Variants in SLC24A2 observed in about 807,000 individuals in gnomAD.
The protein encoded by SLC24A2 is sodium/potassium/calcium exchanger 2.
In SLC24A2, 36 loss-of-function variants were observed where a neutral mutation model predicts 62.0. The ratio of observed to expected loss-of-function variants is 0.58; its 90% confidence interval spans 0.44 to 0.77. The LOEUF is 0.77. SLC24A2 is among the 30% of genes least tolerant of loss of function. The probability of loss-of-function intolerance (pLI) is 0.00; values close to 1 mark genes in which losing one functional copy is unlikely to be tolerated. For synonymous variants in SLC24A2, 358 were observed against 294.0 expected (o/e 1.22, Z -2.23); for missense variants, 846 against 817.9 (o/e 1.03, Z -0.42).
At chr9:19,857,156 C>G in the SLC24A2 span, among the ~76,000 whole-genome samples, 1 of 151,960 alleles carries the variant, frequency 6.6e-6, no homozygotes, top group Non-Finnish European at 1.5e-5. Flanking sequence ...TATTTCTCCG[C>G]CTAGAAGATG....
chr9:19,756,514 C>T (rs111231686), intron 2 of SLC24A2, among the ~76,000 whole-genome samples: 1,783 of 152,274 alleles, frequency 0.012, 34 homozygotes, highest in African/African-American at 0.04. Flanking sequence ...CACATTACCA[C>T]AAAATTTGAT....
At chr9:20,298,413 G>C in the SLC24A2 span, among the ~76,000 whole-genome samples, 1 of 152,086 alleles carries the variant, frequency 6.6e-6, no homozygotes, top group Non-Finnish European at 1.5e-5. Context: ...ATTTTTAGTA[G>C]AGACGGGGTT....
chr9:20,252,711 T>C, the SLC24A2 span, among the ~76,000 whole-genome samples: 1 of 152,256 alleles, frequency 6.6e-6, no homozygotes, highest in Non-Finnish European at 1.5e-5. Context: ...TGCTTTTTAC[T>C]ACCAATTGGC....
At chr9:19,928,561 T>C in the SLC24A2 span, 4 of 152,222 alleles carry the variant, frequency 2.6e-5, no homozygotes, top group Non-Finnish European at 5.9e-5. Context: ...CCAACGTTTT[T>C]GGTAGTTCAT....
the SLC24A2 span, among the ~76,000 whole-genome samples, chr9:20,011,564 G>A: frequency 6.6e-6 from 1 of 152,150 alleles, no homozygotes; most frequent in African/African-American, 2.4e-5. Flanking sequence ...CAGGAATTGT[G>A]GGACACCATC....
the SLC24A2 span, among the ~76,000 whole-genome samples, chr9:19,971,378 T>C: frequency 1.9e-4 from 29 of 152,260 alleles, no homozygotes; most frequent in Middle Eastern, 0.02. Context: ...AAACCTACAG[T>C]GATGAAATGG....
chr9:19,559,211 G>A (rs929388469), intron 7 of SLC24A2, among the ~76,000 whole-genome samples: 1 of 152,138 alleles, frequency 6.6e-6, no homozygotes, highest in African/African-American at 2.4e-5. Flanking sequence ...GCTTGACTAG[G>A]TGAATTATAA....
chr9:20,194,452 C>CA, the SLC24A2 span, among the ~76,000 whole-genome samples: 1 of 152,024 alleles, frequency 6.6e-6, no homozygotes. Context: ...TCACCTTTCT[C>CA]AAAAAATCCT....
the SLC24A2 span, among the ~76,000 whole-genome samples, chr9:20,029,337 G>C: frequency 6.6e-6 from 1 of 152,192 alleles, no homozygotes; most frequent in Admixed American, 6.5e-5. Flanking sequence ...CTTTCAGTAG[G>C]TGCTCTCTAA....
the SLC24A2 span, among the ~76,000 whole-genome samples, chr9:19,933,946 T>C: frequency 7.9e-4 from 121 of 152,216 alleles, 2 homozygotes; most frequent in Admixed American, 7.8e-3. Context: ...AGTAGATTAA[T>C]GGTATGCTAG....
chr9:19,849,366 T>C, the SLC24A2 span, among the ~76,000 whole-genome samples: 2 of 152,224 alleles, frequency 1.3e-5, no homozygotes, highest in East Asian at 3.8e-4. Flanking sequence ...TATTTTACAG[T>C]ATTTTAATTG....
the SLC24A2 span, among the ~76,000 whole-genome samples, chr9:19,963,905 A>T: frequency 3.9e-5 from 6 of 152,132 alleles, no homozygotes; most frequent in Non-Finnish European, 8.8e-5. Context: ...TGCTGCTATA[A>T]AGACACATGC....
At chr9:19,615,991 C>T (rs530805334) in intron 4 of SLC24A2, among the ~76,000 whole-genome samples, 22 of 124,374 alleles carry the variant, frequency 1.8e-4, no homozygotes, top group Non-Finnish European at 2.8e-4. Context: ...CATTCACAGG[C>T]GTGCACACAC....
chr9:20,007,889 T>C, the SLC24A2 span, among the ~76,000 whole-genome samples: 2 of 94,132 alleles, frequency 2.1e-5, no homozygotes, highest in African/African-American at 8.9e-5. Context: ...CTTTTTTTTT[T>C]TTTTTTTTTT....
intron 5 of SLC24A2, among the ~76,000 whole-genome samples, chr9:19,591,779 G>A (rs988369038): frequency 6.6e-6 from 1 of 152,152 alleles, no homozygotes; most frequent in African/African-American, 2.4e-5. Context: ...TCTGCTACTC[G>A]AATTCTTACA....
At chr9:20,088,984 C>T in the SLC24A2 span, among the ~76,000 whole-genome samples, 3 of 152,174 alleles carry the variant, frequency 2.0e-5, no homozygotes, top group African/African-American at 4.8e-5. Flanking sequence ...AGTGGTCAGA[C>T]TATTATGTGG....
chr9:20,232,369 GTT>G, the SLC24A2 span, among the ~76,000 whole-genome samples: 1 of 151,850 alleles, frequency 6.6e-6, no homozygotes, highest in Non-Finnish European at 1.5e-5. Context: ...TGGTCCTGGA[GTT>G]TTTTTGGTTG....
At chr9:20,021,851 C>A in the SLC24A2 span, among the ~76,000 whole-genome samples, 1 of 152,130 alleles carries the variant, frequency 6.6e-6, no homozygotes, top group Non-Finnish European at 1.5e-5. Flanking sequence ...CCTCCTACAC[C>A]TTGAGGTGCT....
the SLC24A2 span, among the ~76,000 whole-genome samples, chr9:19,969,271 T>C: frequency 6.6e-6 from 1 of 151,556 alleles, no homozygotes; most frequent in East Asian, 1.9e-4. Flanking sequence ...TTTTCCTTTT[T>C]CATCTCTTCT....
Sources: allele counts gnomAD v4.1 joint callset (sites outside exome capture counted in the v4.1 genomes callset), GRCh38; gene constraint gnomAD v4.1.1; transcripts MANE v1.5; gene names NCBI Gene and HGNC (gene_info 2026-07-23, HGNC 2026-07-21).